CFAP99: variants seen among roughly 807,000 people sequenced by gnomAD.
CFAP99 encodes the protein cilia and flagella associated protein 99.
A neutral mutation model predicts 82.7 loss-of-function variants in CFAP99; 84 were observed. The ratio of observed to expected loss-of-function variants is 1.02; its 90% confidence interval spans 0.85 to 1.22. The LOEUF (loss-of-function observed/expected upper bound fraction) is 1.22, where lower values mean the gene tolerates loss of function less well. Ranked by LOEUF, CFAP99 falls within the 50% of genes most tolerant of loss-of-function variation. The probability of loss-of-function intolerance (pLI) is 0.00; values close to 1 mark genes in which losing one functional copy is unlikely to be tolerated. For missense variants in CFAP99, 1,059 were observed against 983.5 expected (o/e 1.08, Z -1.03); for synonymous variants, 456 against 429.5 (o/e 1.06, Z -0.76).
chr4:2,441,189 G>A (rs1370718621), intron 4 of CFAP99, among the ~76,000 whole-genome samples: 3 of 151,744 alleles, frequency 2.0e-5, no homozygotes, highest in East Asian at 1.9e-4. Context: ...TGACCAACAC[G>A]GTGAAACCCC....
At chr4:2,426,982 C>T in intron 2 of CFAP99, 1 of 238,782 alleles carries the variant, frequency 4.2e-6, no homozygotes, top group South Asian at 6.1e-5. Context: ...CGCAAGGCCA[C>T]AACTTGTGCT....
chr4:2,457,577 C>G (rs539507546), intron 11 of CFAP99, among the ~76,000 whole-genome samples: 1 of 152,352 alleles, frequency 6.6e-6, no homozygotes, highest in Admixed American at 6.5e-5. Flanking sequence ...CTGAGTGGAG[C>G]CAGCCAGGCA....
intron 4 of CFAP99, among the ~76,000 whole-genome samples, chr4:2,441,998 A>C (rs966425382): frequency 2.0e-5 from 3 of 152,162 alleles, no homozygotes; most frequent in Admixed American, 2.0e-4. Flanking sequence ...GCCCGCTGGC[A>C]GAGGGGGAGT....
At chr4:2,458,770 C>T in exon 12 of CFAP99, 5 of 1,535,838 alleles carry the variant, frequency 3.3e-6, no homozygotes, top group Non-Finnish European at 4.4e-6. Flanking sequence ...TCCGGGAGGA[C>T]AGGTCCAGGA....
At chr4:2,433,292 C>T (rs866734609) in intron 2 of CFAP99, among the ~76,000 whole-genome samples, 7 of 152,156 alleles carry the variant, frequency 4.6e-5, no homozygotes, top group Non-Finnish European at 7.4e-5. Context: ...GTGCCTGAGC[C>T]GGGGAGGCCA....
At chr4:2,438,464 A>T (rs915612863) in intron 4 of CFAP99, among the ~76,000 whole-genome samples, 1 of 151,756 alleles carries the variant, frequency 6.6e-6, no homozygotes, top group Non-Finnish European at 1.5e-5. Flanking sequence ...GGGTTTCACC[A>T]TGTTACCCAG....
intron 13 of CFAP99, 106 bp downstream of exon 13, chr4:2,459,364 C>T (rs916422075): frequency 1.6e-5 from 21 of 1,313,576 alleles, no homozygotes; most frequent in Middle Eastern, 4.3e-4. Context: ...GTGGGTCTTG[C>T]ACCACCTGAA....
intron 1 of CFAP99, among the ~76,000 whole-genome samples, chr4:2,424,867 G>A (rs1389804736): frequency 6.6e-6 from 1 of 152,212 alleles, no homozygotes; most frequent in African/African-American, 2.4e-5. Context: ...GTGCTAAGCT[G>A]CCAGTGGGCC....
At chr4:2,443,879 C>T (rs1734105258) in intron 5 of CFAP99, among the ~76,000 whole-genome samples, 1 of 152,172 alleles carries the variant, frequency 6.6e-6, no homozygotes, top group Non-Finnish European at 1.5e-5. Flanking sequence ...CCTTGTGCTC[C>T]ATGGAGAGGC....
intron 2 of CFAP99, chr4:2,428,063 G>A (rs1419231563): frequency 1.3e-5 from 2 of 152,662 alleles, no homozygotes; most frequent in Non-Finnish European, 2.9e-5. Context: ...CCTGAGCACT[G>A]TGGGGAAGTG....
In CFAP99 at chr4:2,462,353, GC is replaced by G; in HGVS notation, c.1662-85del. ...AACCTCTCCGGCTGCGTAGCTCCTT[GC>G]CCCCGCGTCGCTTGGACACGGGTGG... On this transcript the variant is annotated intron_variant, in intron 14 of 14. Transcript: ENST00000635017. This position sits in a 1 kb window ranked among gnomAD's most constrained non-coding sequence, Gnocchi z 4.1. The G allele has an allele frequency of 1.6e-6, 2 of 1,263,936 alleles. No individual in the cohort carries two copies. Among genetic ancestry groups the G allele is most frequent in the Non-Finnish European group, 1.0e-6 (1 of 978,876 alleles). The allele number at this position is 1,263,936 out of a possible 1,614,324, so 78.3% of individuals were successfully genotyped here.
chr4:2,439,791 A>G (rs1190331020), intron 4 of CFAP99, among the ~76,000 whole-genome samples: 1 of 152,132 alleles, frequency 6.6e-6, no homozygotes, highest in African/African-American at 2.4e-5. Context: ...GAAACCAGAA[A>G]CCAAACCCTG....
intron 2 of CFAP99, among the ~76,000 whole-genome samples, chr4:2,433,312 G>C (rs1733837541): frequency 6.6e-6 from 1 of 152,158 alleles, no homozygotes; most frequent in African/African-American, 2.4e-5. Context: ...AGAGGAGGTT[G>C]TCAGCATAGT....
intron 11 of CFAP99, among the ~76,000 whole-genome samples, chr4:2,453,919 T>G (rs1734364652): frequency 6.6e-6 from 1 of 152,048 alleles, no homozygotes; most frequent in Non-Finnish European, 1.5e-5. Context: ...GTTCAAGTGA[T>G]TCTCCTGCCT....
intron 1 of CFAP99, among the ~76,000 whole-genome samples, chr4:2,422,600 A>C (rs1004875075): frequency 1.3e-5 from 2 of 152,120 alleles, no homozygotes; most frequent in Non-Finnish European, 2.9e-5. Context: ...ACACACATGC[A>C]GACCATCCAC....
chr4:2,459,956 T>C (rs1734576029), intron 13 of CFAP99, 81 bp from the exon 14 acceptor site: 2 of 1,315,302 alleles, frequency 1.5e-6, no homozygotes, highest in Non-Finnish European at 2.1e-6. Context: ...GGTGGGCCTA[T>C]GGAACAGGGG....
At chr4:2,426,511 C>G (rs768698956) in exon 2 of CFAP99, 6 of 1,535,874 alleles carry the variant, frequency 3.9e-6, no homozygotes, top group African/African-American at 1.4e-5. Flanking sequence ...AAACTGTGAT[C>G]GAGCAACTCG....
At chr4:2,423,738 G>A (rs1004866272) in intron 1 of CFAP99, among the ~76,000 whole-genome samples, 2 of 152,258 alleles carry the variant, frequency 1.3e-5, no homozygotes, top group South Asian at 4.1e-4. Flanking sequence ...CTAGATTTCA[G>A]CATCTGTGGA....
chr4:2,450,192 G>A (rs1282912139), intron 8 of CFAP99, 187 bp downstream of exon 8: 4 of 642,388 alleles, frequency 6.2e-6, no homozygotes, highest in Non-Finnish European at 8.3e-6. Flanking sequence ...CCCCTAAGCA[G>A]GCGGGTGTAG....
Sources: gnomAD v4.1 joint callset for allele counts (sites outside exome capture counted in the v4.1 genomes callset) on GRCh38, gnomAD v4.1.1 for gene constraint, Gnocchi (gnomAD v3.1) non-coding constraint, MANE v1.5 for transcripts, NCBI Gene and HGNC (gene_info 2026-07-23, HGNC 2026-07-21) for gene names.